The following SGCZ variants were observed in gnomAD, a reference collection of about 807,000 sequenced individuals.
The protein encoded by SGCZ is zeta-sarcoglycan.
In SGCZ, 40 loss-of-function variants were observed where a neutral mutation model predicts 41.3. The observed-to-expected ratio is 0.97, with a 90% CI of 0.75 to 1.26. The LOEUF (loss-of-function observed/expected upper bound fraction) is 1.26. Among genes scored for constraint, SGCZ ranks in the 50% most tolerant of loss-of-function variants. SGCZ has a pLI of 0.00. For missense variants in SGCZ, 552 were observed against 369.8 expected (o/e 1.49, Z -4.04); for synonymous variants, 206 against 137.5 (o/e 1.50, Z -3.49).
At chr8:14,450,198 C>A (rs1227722569) in intron 2 of SGCZ, among the ~76,000 whole-genome samples, 1 of 152,192 alleles carries the variant, frequency 6.6e-6, no homozygotes, top group Non-Finnish European at 1.5e-5. Context: ...AGAACCCAAA[C>A]CCTCAACGAG....
In SGCZ at chr8:15,149,855, A is replaced by C. The variant is rs563512106; in HGVS notation, c.39+87730T>G. ...AAGTGTCCAAAGATACAGTATGAGGATATTCTGTTGATAATAGAGAATAAC... is the reference window on the plus strand; with the variant it reads ...AAGTGTCCAAAGATACAGTATGAGGCTATTCTGTTGATAATAGAGAATAAC... On this transcript the variant is annotated intron_variant, in intron 1 of 7. Coordinates refer to ENST00000382080, the MANE Select transcript of SGCZ (RefSeq NM_139167.4). 1.6e-4 allele frequency among the ~76,000 whole-genome samples: 25 copies of C among 152,346 alleles called. No individual in the cohort carries two copies. In the South Asian group the frequency reaches 5.0e-3, roughly 30 times the overall value.
intron 1 of SGCZ, among the ~76,000 whole-genome samples, chr8:14,667,522 A>G (rs982087072): frequency 1.3e-5 from 2 of 152,234 alleles, no homozygotes; most frequent in East Asian, 1.9e-4. Context: ...CTTTAAAAAT[A>G]CAGTCATAAA....
chr8:14,822,994 C>T (rs189027613), intron 1 of SGCZ, among the ~76,000 whole-genome samples: 12 of 142,004 alleles, frequency 8.5e-5, no homozygotes, highest in African/African-American at 3.2e-4. Flanking sequence ...GCAGAGATTG[C>T]AGTAAGCCAA....
chr8:14,630,924 G>A (rs1442109690), intron 1 of SGCZ, among the ~76,000 whole-genome samples: 7 of 151,660 alleles, frequency 4.6e-5, no homozygotes, highest in African/African-American at 1.5e-4. Context: ...TAATGTAAAT[G>A]ACGAGTTAAC....
chr8:15,069,970 G>GA (rs59414518), intron 1 of SGCZ, among the ~76,000 whole-genome samples: 25,808 of 151,522 alleles, frequency 0.17, 2,574 homozygotes, highest in African/African-American at 0.27. Flanking sequence ...AAACCTGCAA[G>GA]AAAAAAAGAA....
At chr8:14,272,410 A>C (rs1328299571) in intron 3 of SGCZ, among the ~76,000 whole-genome samples, 1 of 152,174 alleles carries the variant, frequency 6.6e-6, no homozygotes, top group African/African-American at 2.4e-5. Context: ...CTGAATAACC[A>C]CCAGTGTTCT....
chr8:14,615,788 C>A (rs1428050894), intron 1 of SGCZ, among the ~76,000 whole-genome samples: 1 of 152,166 alleles, frequency 6.6e-6, no homozygotes, highest in Non-Finnish European at 1.5e-5. Flanking sequence ...TACCTCGCAA[C>A]ACAGAACATT....
At chr8:14,374,840 G>A (rs868367805) in intron 2 of SGCZ, among the ~76,000 whole-genome samples, 2 of 152,162 alleles carry the variant, frequency 1.3e-5, no homozygotes, top group Non-Finnish European at 2.9e-5. Context: ...AGTCCTGAGG[G>A]CTGAAAATAT....
At chr8:14,625,790 C>A (rs150252545) in intron 1 of SGCZ, among the ~76,000 whole-genome samples, 202 of 152,232 alleles carry the variant, frequency 1.3e-3, no homozygotes, top group African/African-American at 4.6e-3. Context: ...ACTATATATT[C>A]CGACCCCATT....
intron 1 of SGCZ, among the ~76,000 whole-genome samples, chr8:14,717,973 G>C (rs1809745958): frequency 7.9e-6 from 1 of 126,534 alleles, no homozygotes; most frequent in African/African-American, 3.8e-5. Context: ...GTAGAACCTG[G>C]ATAAATGTAA....
At chr8:14,599,860 C>G (rs921212199) in intron 1 of SGCZ, among the ~76,000 whole-genome samples, 4 of 152,148 alleles carry the variant, frequency 2.6e-5, no homozygotes, top group African/African-American at 4.8e-5. Context: ...ACAAAAGACC[C>G]TTGACTCCAC....
intron 5 of SGCZ, among the ~76,000 whole-genome samples, chr8:14,130,235 C>T (rs772642463): frequency 3.3e-5 from 5 of 151,574 alleles, no homozygotes; most frequent in Admixed American, 6.6e-5. Flanking sequence ...AACACACACA[C>T]GCAATTTAAT....
At chr8:15,125,516 T>A (rs1418730964) in intron 1 of SGCZ, among the ~76,000 whole-genome samples, 1 of 152,230 alleles carries the variant, frequency 6.6e-6, no homozygotes, top group Non-Finnish European at 1.5e-5. Context: ...TCTTTATGCT[T>A]CTAATTATCT....
intron 1 of SGCZ, among the ~76,000 whole-genome samples, chr8:15,202,826 C>T (rs1245682312): frequency 6.6e-6 from 1 of 152,044 alleles, no homozygotes; most frequent in African/African-American, 2.4e-5. Context: ...TTAAGACAAA[C>T]CTGGCCGGGC....
At chr8:14,177,641 C>T (rs1179501635) in intron 4 of SGCZ, among the ~76,000 whole-genome samples, 1 of 150,952 alleles carries the variant, frequency 6.6e-6, no homozygotes, top group African/African-American at 2.4e-5. Context: ...TCCCAAGTAG[C>T]TGGGACTACA....
At chr8:14,260,341 A>T (rs1486459368) in intron 3 of SGCZ, among the ~76,000 whole-genome samples, 3 of 150,728 alleles carry the variant, frequency 2.0e-5, no homozygotes, top group African/African-American at 7.3e-5. Flanking sequence ...AAAACACATG[A>T]AACAATGCTC....
intron 1 of SGCZ, among the ~76,000 whole-genome samples, chr8:15,220,151 A>G (rs1801544034): frequency 6.6e-6 from 1 of 152,178 alleles, no homozygotes; most frequent in Admixed American, 6.5e-5. Context: ...GAAAAAAAGC[A>G]CTTTCCTCAA....
chr8:14,942,919 T>A (rs1263866587), intron 1 of SGCZ, among the ~76,000 whole-genome samples: 1 of 152,184 alleles, frequency 6.6e-6, no homozygotes, highest in Non-Finnish European at 1.5e-5. Context: ...TAGGCTATAT[T>A]GCTACTCTTC....
At chr8:14,091,913 C>T (rs1205700673) in intron 7 of SGCZ, among the ~76,000 whole-genome samples, 1 of 152,048 alleles carries the variant, frequency 6.6e-6, no homozygotes, top group Non-Finnish European at 1.5e-5. Flanking sequence ...AATGGCATTG[C>T]CTAAGTAAGT....
Sources: allele counts gnomAD v4.1 joint callset (sites outside exome capture counted in the v4.1 genomes callset), GRCh38; gene constraint gnomAD v4.1.1; transcripts MANE v1.5; gene names NCBI Gene and HGNC (gene_info 2026-07-23, HGNC 2026-07-21).